TRABD2A: variants seen among roughly 807,000 people sequenced by gnomAD.
TRABD2A encodes metalloprotease TIKI1.
In TRABD2A, 43 loss-of-function variants were observed where a neutral mutation model predicts 45.6. The ratio of observed to expected loss-of-function variants is 0.94; its 90% CI spans 0.74 to 1.22. The LOEUF (loss-of-function observed/expected upper bound fraction) is 1.22. Among genes scored for constraint, TRABD2A ranks in the 50% most tolerant of loss-of-function variants. TRABD2A has a pLI of 0.00. For missense variants in TRABD2A, 642 were observed against 652.4 expected (o/e 0.98, Z 0.17); for synonymous variants, 269 against 265.0 (o/e 1.02, Z -0.15).
chr2:84,842,679 A>G (rs547951455), intron 2 of TRABD2A, among the ~76,000 whole-genome samples: 32 of 151,834 alleles, frequency 2.1e-4, no homozygotes, highest in African/African-American at 7.5e-4. Context: ...CAGTAAGCCA[A>G]GATTGTGCCA....
chr2:84,859,594 C>G (rs930116119), intron 2 of TRABD2A, among the ~76,000 whole-genome samples: 3 of 152,202 alleles, frequency 2.0e-5, no homozygotes, highest in Admixed American at 6.5e-5. Flanking sequence ...AGAGGGTCTT[C>G]TGAGCCCTGC....
intron 1 of TRABD2A, among the ~76,000 whole-genome samples, chr2:84,872,869 C>A (rs548983902): frequency 6.6e-6 from 1 of 152,266 alleles, no homozygotes; most frequent in African/African-American, 2.4e-5. Flanking sequence ...AATTCCAGCA[C>A]TTCGGGAGGC....
chr2:84,840,432 C>T (rs917106841), intron 3 of TRABD2A, among the ~76,000 whole-genome samples: 1 of 152,200 alleles, frequency 6.6e-6, no homozygotes, highest in Non-Finnish European at 1.5e-5. Context: ...GCTCCACCTT[C>T]TAAATTCCAA....
rs142437147 is a variant in TRABD2A at position 84,854,172 on chromosome 2, G to A, written c.670-12165C>T. Among the ~76,000 whole-genome samples, 34 of 151,890 alleles carry A rather than the reference G, an allele frequency of 2.2e-4. No homozygotes were observed. In the East Asian group the frequency reaches 5.2e-3, roughly 23 times the overall value. ...CATTGTATTATGTATTGTAAGTAAC[G>A]CAGAGATGACAAAGTATTTGGGAGG... On this transcript the variant is annotated intron_variant, in intron 2 of 6. Coordinates refer to ENST00000409520, the MANE Select transcript of TRABD2A (RefSeq NM_001277053.2).
At chr2:84,879,332 C>A (rs1162295452) in intron 1 of TRABD2A, among the ~76,000 whole-genome samples, 1 of 152,108 alleles carries the variant, frequency 6.6e-6, no homozygotes, top group Non-Finnish European at 1.5e-5. Context: ...AGGCACATGT[C>A]CCCACGCTGG....
intron 2 of TRABD2A, among the ~76,000 whole-genome samples, chr2:84,856,754 TC>T (rs1175143381): frequency 6.6e-6 from 1 of 152,066 alleles, no homozygotes; most frequent in Non-Finnish European, 1.5e-5. Flanking sequence ...GACCATTTTT[TC>T]TCCTTTTCAA....
At chr2:84,836,199 G>A (rs910233719) in intron 4 of TRABD2A, 3 of 152,194 alleles carry the variant, frequency 2.0e-5, no homozygotes, top group African/African-American at 7.2e-5. Context: ...GAACTGAAGA[G>A]CATCATCAAT....
At position 84,877,322 on chromosome 2, in the gene TRABD2A, A is replaced by C. The variant is rs537852221; in HGVS notation, c.108+3610T>G. On this transcript the variant is annotated intron_variant, in intron 1 of 6. Transcript: ENST00000409520. The stretch of plus-strand genomic sequence containing the variant: ...AAAAAAAAAAATCCTTCACTACCCC[A>C]TTTCACTGTTAAAATATATGGCAAT... 2.0e-4 allele frequency among the ~76,000 whole-genome samples: 31 copies of C among 152,094 alleles called. No homozygotes were observed. In the East Asian group the frequency reaches 3.9e-3, roughly 19 times the overall value.
intron 1 of TRABD2A, among the ~76,000 whole-genome samples, chr2:84,878,347 G>C (rs1047502377): frequency 6.6e-6 from 1 of 152,018 alleles, no homozygotes; most frequent in Non-Finnish European, 1.5e-5. Flanking sequence ...CAAGATAGTG[G>C]AACCCCATCT....
intron 4 of TRABD2A, among the ~76,000 whole-genome samples, chr2:84,838,837 G>A (rs1681608371): frequency 1.3e-5 from 2 of 152,340 alleles, no homozygotes; most frequent in Admixed American, 1.3e-4. Context: ...TTTACAAAGT[G>A]AAAAGTACCA....
At chr2:84,876,365 G>A (rs1050579696) in intron 1 of TRABD2A, among the ~76,000 whole-genome samples, 6 of 152,232 alleles carry the variant, frequency 3.9e-5, no homozygotes, top group African/African-American at 4.8e-5. Context: ...AAGAAGAGCA[G>A]CTAGCAAGGG....
chr2:84,829,847 C>T (rs547220041), intron 5 of TRABD2A, among the ~76,000 whole-genome samples: 326 of 149,962 alleles, frequency 2.2e-3, no homozygotes, highest in South Asian at 7.0e-3. Context: ...ACCAGACATG[C>T]ACCACACACA....
chr2:84,872,791 T>A (rs567318241), intron 1 of TRABD2A, among the ~76,000 whole-genome samples: 26 of 152,194 alleles, frequency 1.7e-4, no homozygotes, highest in Non-Finnish European at 3.1e-4. Context: ...GATCAATACA[T>A]AGCCTTGTTT....
At chr2:84,859,604 C>A (rs181311886) in intron 2 of TRABD2A, among the ~76,000 whole-genome samples, 1 of 152,282 alleles carries the variant, frequency 6.6e-6, no homozygotes, top group Non-Finnish European at 1.5e-5. Flanking sequence ...CTGAGCCCTG[C>A]AACTTGAGGT....
At position 84,830,683 on chromosome 2, in the gene TRABD2A, C is replaced by T. The variant is rs1003168245; in HGVS notation, c.1082+1372G>A. Among the ~76,000 whole-genome samples, 1 of 152,082 alleles carries T rather than the reference C, an allele frequency of 6.6e-6. No homozygotes were observed. The highest frequency in any genetic ancestry group is 1.5e-5 in the Non-Finnish European group (1 of 68,024). ...AAACTAGAAAGTGCTCTGTGAAGGGCGGTCAGTATTGACATACTGAATACA... is the reference window on the plus strand; with the variant it reads ...AAACTAGAAAGTGCTCTGTGAAGGGTGGTCAGTATTGACATACTGAATACA... On this transcript the variant is annotated intron_variant, in intron 5 of 6. Transcript: ENST00000409520. The surrounding 1 kb of genome is among the most constrained non-coding windows in gnomAD (Gnocchi z 4.9).
chr2:84,846,415 C>G (rs530326721), intron 2 of TRABD2A, among the ~76,000 whole-genome samples: 3 of 152,290 alleles, frequency 2.0e-5, no homozygotes, highest in African/African-American at 2.4e-5. Flanking sequence ...AAACCCAGCA[C>G]AAGATAAGCC....
At chr2:84,861,673 C>T (rs1219855308) in intron 2 of TRABD2A, among the ~76,000 whole-genome samples, 3 of 152,234 alleles carry the variant, frequency 2.0e-5, no homozygotes, top group Admixed American at 6.5e-5. Context: ...GCAGCCTCTT[C>T]AGACAGCACT....
At chr2:84,832,021 C>T (rs1484695445) in intron 5 of TRABD2A, 34 bp downstream of exon 5, 1 of 1,612,398 alleles carries the variant, frequency 6.2e-7, no homozygotes, top group African/African-American at 1.3e-5. Context: ...AGGGTCTCAG[C>T]TCCCCAGCCA....
At chr2:84,870,861 T>C in intron 1 of TRABD2A, 76 bp from the exon 2 acceptor site, 2 of 1,307,660 alleles carry the variant, frequency 1.5e-6, no homozygotes, top group Non-Finnish European at 2.1e-6. Flanking sequence ...AGGAAATGAA[T>C]CAGTCACATT....
Sources: gnomAD v4.1 joint callset for allele counts (sites outside exome capture counted in the v4.1 genomes callset) on GRCh38, gnomAD v4.1.1 for gene constraint, Gnocchi (gnomAD v3.1) non-coding constraint, MANE v1.5 for transcripts, NCBI Gene and HGNC (gene_info 2026-07-23, HGNC 2026-07-21) for gene names.